Variants in KL observed in about 807,000 individuals in gnomAD.
The protein encoded by KL is alpha-klotho.
In KL, 62 loss-of-function variants were observed where a neutral mutation model predicts 84.2. The observed-to-expected ratio is 0.74, with a 90% CI of 0.60 to 0.91. The LOEUF is 0.91. Ranked by LOEUF, KL falls within the 40% of genes least tolerant of loss-of-function variation. The pLI, the probability that KL is intolerant of heterozygous loss-of-function variation, is 0.00. For missense variants in KL, 1,261 were observed against 1,305.7 expected, an observed-to-expected ratio of 0.97 and a Z score of 0.53; for synonymous variants, 528 against 528.0, an observed-to-expected ratio of 1.00 and a Z score of 0.00.
In KL at chr13:33,016,747, G is replaced by C; in HGVS notation, c.307G>C (p.Asp103His). 6.2e-7 allele frequency: 1 copy of C among 1,611,760 alleles called. No homozygotes were observed. Among genetic ancestry groups the C allele is most frequent in the Non-Finnish European group, 8.5e-7 (1 of 1,179,388 alleles). The change falls in exon 1 of 5, where the codon GAC becomes CAC. Residue 103 changes from aspartate to histidine, a missense_variant. Coordinates refer to ENST00000380099, the MANE Select transcript of KL (RefSeq NM_004795.4). Reference sequence around the variant, plus strand: ...CCACCACCCCCTGGCACCCCCGGGAGACTCCCGGAACGCCAGTCTGCCGTT... The same window carrying C: ...CCACCACCCCCTGGCACCCCCGGGACACTCCCGGAACGCCAGTCTGCCGTT... ...FTHHPLAPPG[D>H]SRNASLPLGA...
chr13:33,032,750 C>G (rs1279592548), intron 1 of KL, among the ~76,000 whole-genome samples: 1 of 152,164 alleles, frequency 6.6e-6, no homozygotes, highest in African/African-American at 2.4e-5. Context: ...AGATACCCAT[C>G]TATTTTCTGT....
At chr13:33,034,528 T>A (rs1228643381) in intron 1 of KL, among the ~76,000 whole-genome samples, 1 of 151,832 alleles carries the variant, frequency 6.6e-6, no homozygotes, top group Non-Finnish European at 1.5e-5. Flanking sequence ...TAAAGACTCT[T>A]GTGAGTGCCA....
chr13:33,056,427 A>AT (rs377529712), intron 3 of KL, among the ~76,000 whole-genome samples: 2 of 152,070 alleles, frequency 1.3e-5, no homozygotes, highest in Non-Finnish European at 2.9e-5. Context: ...TCCTTAGTAC[A>AT]TTTTTTGCTG....
At chr13:33,019,732 T>TGAGAGA (rs59216104) in intron 1 of KL, among the ~76,000 whole-genome samples, 13,338 of 133,018 alleles carry the variant, frequency 0.1, 799 homozygotes, top group East Asian at 0.24. Context: ...TGTGTGTGTG[T>TGAGAGA]GAGAGAGAGA....
At position 33,061,828 on chromosome 13, in the gene KL, G is replaced by C. The variant is rs773686173; in HGVS notation, c.2701+48G>C. The stretch of plus-strand genomic sequence containing the variant: ...ATCTCCTGAAGGTTATGTCACCAGA[G>C]GGCATGACACTTGATTAAATCTCCA... On this transcript the variant is annotated intron_variant, in intron 4 of 4. Transcript: ENST00000380099. 3.8e-6 allele frequency: 6 copies of C among 1,586,178 alleles called. No individual in the cohort carries two copies. The African/African-American group carries it at 8.0e-5, about 21-fold the overall frequency.
chr13:33,020,328 G>A lies in KL; in HGVS notation c.819+3069G>A, dbSNP rs566235650. On this transcript the variant is annotated intron_variant, in intron 1 of 4. Coordinates refer to ENST00000380099, the MANE Select transcript of KL (RefSeq NM_004795.4). ...TTGCTTCTCCTCTCAGCTCCCTGGC[G>A]ATTCCCTCTTAGTCTCCTTTGCTTG... 2.8e-4 allele frequency among the ~76,000 whole-genome samples: 43 copies of A among 152,154 alleles called. No individual in the cohort carries two copies. The South Asian group carries it at 2.9e-3, about 10-fold the overall frequency.
intron 1 of KL, among the ~76,000 whole-genome samples, chr13:33,024,607 G>A (rs1047712875): frequency 1.3e-5 from 2 of 152,236 alleles, no homozygotes; most frequent in African/African-American, 4.8e-5. Context: ...CAAAGCTGCA[G>A]GGGAGGATGG....
intron 1 of KL, among the ~76,000 whole-genome samples, chr13:33,033,101 A>T (rs1871031627): frequency 6.6e-6 from 1 of 152,224 alleles, no homozygotes; most frequent in Non-Finnish European, 1.5e-5. Flanking sequence ...TGATAACTCA[A>T]ATAGCAGTCC....
intron 1 of KL, 30 bp from the exon 2 acceptor site, chr13:33,053,731 CTAGAGA>C: frequency 6.2e-7 from 1 of 1,604,390 alleles, no homozygotes; most frequent in Non-Finnish European, 8.5e-7. Context: ...CTCCTCACAA[CTAGAGA>C]TAAATTTGCC....
Position 33,017,201 on chromosome 13 carries a change from C to G in KL, c.761C>G (p.Ala254Gly), listed in dbSNP as rs749864328. ...AWHGYATGRL[A>G]PGIRGSPRLG... ...CACGGCTACGCCACCGGGCGCCTGG[C>G]CCCCGGCATCCGGGGCAGCCCGCGG... The change falls in exon 1 of 5, where the codon GCC (alanine) becomes GGC (glycine). Residue 254 changes from alanine (A) to glycine (G), a missense_variant. By Grantham distance (60) the Ala-to-Gly change is moderately conservative. Coordinates refer to ENST00000380099, the MANE Select transcript of KL (RefSeq NM_004795.4). 6 of 1,596,174 alleles carry G rather than the reference C, an allele frequency of 3.8e-6. No homozygotes were observed. The highest frequency in any genetic ancestry group is 5.1e-6 in the Non-Finnish European group (6 of 1,178,334).
At chr13:33,028,594 G>T (rs752760596) in intron 1 of KL, among the ~76,000 whole-genome samples, 7 of 152,144 alleles carry the variant, frequency 4.6e-5, no homozygotes, top group Admixed American at 2.6e-4. Context: ...GATTCCAGAA[G>T]TGTGTCCCCC....
At position 33,055,000 on chromosome 13, in the gene KL, T is replaced by C. The variant is rs924120761; in HGVS notation, c.1331-47T>C. The C allele has an allele frequency of 8.1e-6, 13 of 1,613,096 alleles. No individual in the cohort carries two copies. In the African/African-American group the frequency reaches 1.5e-4, roughly 18 times the overall value. On this transcript the variant is annotated intron_variant, in intron 2 of 4. Transcript: ENST00000380099. ...AGCTGCTCTTGAACCATGATGCAAG[T>C]GCCCAGCGAAGGGTCATGTTGCTCT...
intron 1 of KL, among the ~76,000 whole-genome samples, chr13:33,051,214 C>T (rs944291672): frequency 2.6e-5 from 4 of 152,100 alleles, no homozygotes; most frequent in Non-Finnish European, 5.9e-5. Context: ...GATTTACCTG[C>T]CCAAATTAAG....
At position 33,061,717 on chromosome 13, in the gene KL, C is replaced by T; in HGVS notation, c.2638C>T (p.His880Tyr). The stretch of plus-strand genomic sequence containing the variant: ...ATCCAATGGAATCGATGACGGGCTG[C>T]ATGCTGAGGACGACCAGCTGAGGGT... The part of the protein sequence containing the change: ...IISNGIDDGL[H>Y]AEDDQLRVYY... The change falls in exon 4 of 5, where the codon CAT becomes TAT. Residue 880 changes from histidine (H) to tyrosine (Y), a missense_variant. Coordinates refer to ENST00000380099, the MANE Select transcript of KL (RefSeq NM_004795.4). 6.2e-7 allele frequency: 1 copy of T among 1,613,930 alleles called. No homozygotes were observed.
intron 1 of KL, among the ~76,000 whole-genome samples, chr13:33,040,041 T>C (rs528024104): frequency 1.3e-5 from 2 of 152,318 alleles, no homozygotes; most frequent in South Asian, 4.1e-4. Context: ...AAAGCAGATA[T>C]GAGCCCCCTT....
In KL at chr13:33,064,160, A is replaced by G; in HGVS notation, c.3013A>G (p.Lys1005Glu). The part of the protein sequence containing the change: ...ISLSLIFYYS[K>E]KGRRSYK ...TCTCTCCCTTATATTTTACTACTCG[A>G]AGAAAGGCAGAAGAAGTTACAAATA... The change falls in exon 5 of 5, where the codon AAG becomes GAG. Residue 1005 changes from lysine to glutamate, a missense_variant. Lys to Glu is a moderately conservative substitution (Grantham distance 56, BLOSUM62 1). Coordinates refer to ENST00000380099, the MANE Select transcript of KL (RefSeq NM_004795.4). 1 of 1,609,176 alleles carries G rather than the reference A, an allele frequency of 6.2e-7. No homozygotes were observed. The highest frequency in any genetic ancestry group is 1.1e-5 in the South Asian group (1 of 90,390).
At chr13:33,023,515 A>G (rs1176192732) in intron 1 of KL, among the ~76,000 whole-genome samples, 2 of 152,226 alleles carry the variant, frequency 1.3e-5, no homozygotes, top group African/African-American at 2.4e-5. Context: ...ACCAAAAACT[A>G]TCAAATCATT....
At chr13:33,053,698 GA>G in intron 1 of KL, 68 bp from the exon 2 acceptor site, 1 of 1,403,200 alleles carries the variant, frequency 7.1e-7, no homozygotes, top group Non-Finnish European at 1.0e-6. Context: ...CTGATTTGGG[GA>G]TTCAAGTATT....
At chr13:33,025,268 A>G (rs1299987890) in intron 1 of KL, among the ~76,000 whole-genome samples, 1 of 152,204 alleles carries the variant, frequency 6.6e-6, no homozygotes, top group East Asian at 1.9e-4. Context: ...AGAGGCTGGC[A>G]ATCTTTTTCT....
Sources: gnomAD v4.1 joint callset for allele counts (sites outside exome capture counted in the v4.1 genomes callset) on GRCh38, gnomAD v4.1.1 for gene constraint, MANE v1.5 for transcripts, NCBI Gene and HGNC (gene_info 2026-07-23, HGNC 2026-07-21) for gene names.